MAEA: variants seen among roughly 807,000 people sequenced by gnomAD.
The protein encoded by MAEA is macrophage erythroblast attacher, E3 ubiquitin ligase.
In MAEA, 22 loss-of-function variants were observed where a neutral mutation model predicts 46.2. That is an observed-to-expected ratio of 0.48 (90% CI 0.34 to 0.68). The LOEUF is 0.68. Ranked by LOEUF, MAEA falls within the 30% of genes least tolerant of loss-of-function variation. MAEA has a pLI of 0.01. For missense variants in MAEA, 393 were observed against 558.1 expected, an observed-to-expected ratio of 0.70 and a Z score of 2.98; for synonymous variants, 246 against 222.6, an observed-to-expected ratio of 1.11 and a Z score of -0.94.
chr4:1,310,298 G>A (rs1489587772), intron 1 of MAEA, among the ~76,000 whole-genome samples: 3 of 152,228 alleles, frequency 2.0e-5, no homozygotes, highest in Non-Finnish European at 2.9e-5. Context: ...TTTATGGAGA[G>A]CTGAAGTGCT....
intron 3 of MAEA, among the ~76,000 whole-genome samples, chr4:1,317,004 CCCCGGCCCCCACACTCCAGACTCA>C (rs1560357041): frequency 4.9e-5 from 7 of 142,238 alleles, no homozygotes; most frequent in Admixed American, 2.1e-4. Flanking sequence ...CCCAGGCCCA[CCCCGGCCCCCACACTCCAGACTCA>C]CCTGCAGGCC....
chr4:1,320,399 A>C (rs1346864328), intron 3 of MAEA, among the ~76,000 whole-genome samples: 2 of 151,568 alleles, frequency 1.3e-5, no homozygotes, highest in Non-Finnish European at 2.9e-5. Flanking sequence ...AATCATCAAC[A>C]TGCAGGAAAA....
At chr4:1,309,640 CG>C in intron 1 of MAEA, 1 of 1,529,668 alleles carries the variant, frequency 6.5e-7, no homozygotes, top group Non-Finnish European at 8.7e-7. Context: ...GAGGAGTAAG[CG>C]GCTGGATGTG....
Position 1,320,333 on chromosome 4 carries a change from AAAG to A in MAEA, c.457-2045_457-2043del, listed in dbSNP as rs1448080475. On this transcript the variant is annotated intron_variant, in intron 3 of 8. Transcript: ENST00000303400. ...GAAAATGCTATGAAGGGGCTTCAGA[AAAG>A]AAATCATCAAAGCAAACATGCAAGA... Among the ~76,000 whole-genome samples, 4 of 152,204 alleles carry A rather than the reference AAAG, an allele frequency of 2.6e-5. No homozygotes were observed. The East Asian group carries it at 5.8e-4, about 22-fold the overall frequency.
chr4:1,336,678 CTGTG>C (rs1712811324), intron 6 of MAEA, among the ~76,000 whole-genome samples, 179 bp from the exon 7 acceptor site: 1 of 152,252 alleles, frequency 6.6e-6, no homozygotes, highest in African/African-American at 2.4e-5. Context: ...ACTCATCCCA[CTGTG>C]TGTATCAGTC....
chr4:1,316,628 T>G (rs1277905350), intron 3 of MAEA, among the ~76,000 whole-genome samples: 1 of 152,002 alleles, frequency 6.6e-6, no homozygotes, highest in Non-Finnish European at 1.5e-5. Flanking sequence ...TCCTCCCTGC[T>G]TCTGTCTAAC....
Position 1,309,502 on chromosome 4 carries a change from G to A in MAEA, c.70-2477G>A. ...GGAGCTGCTGTCTGGGTCAGCAGCT[G>A]CCCTGCTGGAGGGAGAGGGGGTGCT... On this transcript the variant is annotated intron_variant, in intron 1 of 8. Coordinates refer to ENST00000303400, the MANE Select transcript of MAEA (RefSeq NM_001017405.3). 5 of 1,341,218 alleles carry A rather than the reference G, an allele frequency of 3.7e-6. No individual in the cohort carries two copies. The South Asian group carries it at 9.4e-5, about 25-fold the overall frequency. The allele number at this position is 1,341,218 out of a possible 1,614,324, so 83.1% of individuals were successfully genotyped here.
chr4:1,323,541 C>A, intron 4 of MAEA: 1 of 702,534 alleles, frequency 1.4e-6, no homozygotes, highest in Non-Finnish European at 2.6e-6. Context: ...AAAAGTAGAG[C>A]GGCTAGTAGC....
At chr4:1,324,213 G>A (rs903233717) in intron 4 of MAEA, among the ~76,000 whole-genome samples, 1 of 148,644 alleles carries the variant, frequency 6.7e-6, no homozygotes, top group African/African-American at 2.5e-5. Flanking sequence ...CCTGGCGTTG[G>A]ATGAGTTGAG....
chr4:1,291,857 G>A (rs1461718741), intron 1 of MAEA, among the ~76,000 whole-genome samples: 1 of 152,228 alleles, frequency 6.6e-6, no homozygotes, highest in Admixed American at 6.5e-5. Flanking sequence ...AGTCATACAG[G>A]TAAAGAAATA....
intron 3 of MAEA, among the ~76,000 whole-genome samples, chr4:1,316,120 A>G (rs551578482): frequency 6.6e-6 from 1 of 152,212 alleles, no homozygotes; most frequent in South Asian, 2.1e-4. Flanking sequence ...TTGCGCTGAC[A>G]CATGCTCCAT....
intron 3 of MAEA, 28 bp downstream of exon 3, chr4:1,315,628 C>T (rs2272481): frequency 0.059 from 95,286 of 1,608,692 alleles, 8,906 homozygotes; most frequent in East Asian, 0.39. Context: ...GCAGGCACAG[C>T]GCCCCAGCTG....
At chr4:1,318,905 C>T (rs2108941506) in intron 3 of MAEA, among the ~76,000 whole-genome samples, 1 of 152,232 alleles carries the variant, frequency 6.6e-6, no homozygotes, top group African/African-American at 2.4e-5. Context: ...GGACAGGAAG[C>T]TGCTGCCAAG....
chr4:1,317,250 G>C (rs13141345), intron 3 of MAEA, among the ~76,000 whole-genome samples: 8 of 44,390 alleles, frequency 1.8e-4, no homozygotes, highest in Admixed American at 2.8e-4. Flanking sequence ...AGACTCACCC[G>C]CAGGCCCACC....
At chr4:1,295,819 C>G (rs1577123764) in intron 1 of MAEA, among the ~76,000 whole-genome samples, 1 of 61,572 alleles carries the variant, frequency 1.6e-5, no homozygotes, top group South Asian at 7.2e-4. Context: ...TGCCCCCTCA[C>G]CCACGCCTGT....
chr4:1,294,620 G>C (rs550187201), intron 1 of MAEA, among the ~76,000 whole-genome samples: 2 of 151,666 alleles, frequency 1.3e-5, no homozygotes, highest in Non-Finnish European at 1.5e-5. Context: ...AGCCTCCATC[G>C]GCCAGGTACG....
rs1303772860 is a variant in MAEA, at chr4:1,300,743, C to T, written c.69+10761C>T. Among the ~76,000 whole-genome samples, 12 of 152,366 alleles carry T rather than the reference C, an allele frequency of 7.9e-5. No individual in the cohort carries two copies. The East Asian group carries it at 2.3e-3, about 29-fold the overall frequency. On this transcript the variant is annotated intron_variant, in intron 1 of 8. Transcript: ENST00000303400. ...AACTGGGCGTGCACACAACAGGGAG[C>T]GCAGAGCTCAGGGCCGACAGCACTC...
chr4:1,334,113 CCCCCATGCCCA>C (rs1364374372), intron 6 of MAEA, among the ~76,000 whole-genome samples: 1 of 38,332 alleles, frequency 2.6e-5, no homozygotes. Flanking sequence ...ACCGTGCTCA[CCCCCATGCCCA>C]CCCCATGCCC....
intron 3 of MAEA, among the ~76,000 whole-genome samples, chr4:1,321,994 AG>A (rs1738188196): frequency 6.6e-6 from 1 of 151,308 alleles, no homozygotes; most frequent in Non-Finnish European, 1.5e-5. Context: ...TTTTGAAATG[AG>A]GGGGCTGCCC....
Sources: gnomAD v4.1 joint callset for allele counts (sites outside exome capture counted in the v4.1 genomes callset) on GRCh38, gnomAD v4.1.1 for gene constraint, MANE v1.5 for transcripts, NCBI Gene and HGNC (gene_info 2026-07-23, HGNC 2026-07-21) for gene names.